The following UVRAG variants were observed in gnomAD, a reference collection of about 807,000 sequenced individuals.
UVRAG encodes the protein UV radiation resistance associated, also known as UV radiation resistance-associated gene protein.
Under a neutral mutation model 78.0 loss-of-function variants are expected in UVRAG, and 19 were observed. The ratio of observed to expected loss-of-function variants is 0.24; its 90% confidence interval spans 0.17 to 0.36. The LOEUF (loss-of-function observed/expected upper bound fraction) is 0.36. UVRAG is among the 10% of genes least tolerant of loss of function. The pLI is 1.00. For synonymous variants in UVRAG, 323 were observed against 324.6 expected (o/e 1.00, Z 0.05); for missense variants, 740 against 853.8 (o/e 0.87, Z 1.66).
chr11:75,859,565 C>T (rs890274359), intron 2 of UVRAG, among the ~76,000 whole-genome samples: 4 of 151,928 alleles, frequency 2.6e-5, no homozygotes, highest in Non-Finnish European at 4.4e-5. Flanking sequence ...ATTTCAGCCT[C>T]GTAACAACCC....
chr11:75,842,422 C>A (rs1945935258), intron 1 of UVRAG, among the ~76,000 whole-genome samples: 1 of 150,746 alleles, frequency 6.6e-6, no homozygotes, highest in South Asian at 2.1e-4. Context: ...TTTCCTTTTA[C>A]TGTGACCTGC....
chr11:75,852,064 G>A (rs1470714722), intron 2 of UVRAG, 64 bp downstream of exon 2: 4 of 1,104,736 alleles, frequency 3.6e-6, no homozygotes. Context: ...TGTAACACAA[G>A]TGATTCTCAG....
At chr11:75,925,582 C>T (rs761832981) in intron 6 of UVRAG, among the ~76,000 whole-genome samples, 1 of 152,122 alleles carries the variant, frequency 6.6e-6, no homozygotes, top group Non-Finnish European at 1.5e-5. Context: ...ATACAGCAAA[C>T]AAAGGGTCTT....
At position 75,869,997 on chromosome 11, in the gene UVRAG, G is replaced by A. The variant is rs185724770; in HGVS notation, c.270+8217G>A. On this transcript the variant is annotated intron_variant, in intron 3 of 14. Coordinates refer to ENST00000356136, the MANE Select transcript of UVRAG (RefSeq NM_003369.4). ...TATTCTACTTTTCAGTGAATGTGGT[G>A]GTACAGGTCCCTGGATGATATTAGT... Among the ~76,000 whole-genome samples the A allele has an allele frequency of 1.1e-4, 17 of 152,222 alleles. No homozygotes were observed. In the East Asian group the frequency reaches 3.3e-3, roughly 29 times the overall value.
chr11:75,959,805 A>G (rs1948875441), intron 6 of UVRAG, among the ~76,000 whole-genome samples: 1 of 152,126 alleles, frequency 6.6e-6, no homozygotes, highest in Non-Finnish European at 1.5e-5. Context: ...ATTTAAAGTG[A>G]GAGACATAGG....
chr11:75,981,962 T>A (rs1949404445), intron 7 of UVRAG, among the ~76,000 whole-genome samples: 1 of 152,214 alleles, frequency 6.6e-6, no homozygotes, highest in Non-Finnish European at 1.5e-5. Context: ...TCTTAATTGC[T>A]ATTGAAGCAT....
intron 6 of UVRAG, among the ~76,000 whole-genome samples, chr11:75,918,364 C>G (rs1240721596): frequency 1.4e-5 from 2 of 147,026 alleles, no homozygotes; most frequent in African/African-American, 5.1e-5. Flanking sequence ...AGCAACAGAG[C>G]GAGACTCCGT....
rs533580194 is a variant in UVRAG at position 75,883,032 on chromosome 11, C to G, written c.432+2992C>G. On this transcript the variant is annotated intron_variant, in intron 4 of 14. Coordinates refer to ENST00000356136, the MANE Select transcript of UVRAG (RefSeq NM_003369.4). ...TGCCTTTAGACTGACCAACCAGATC[C>G]CTGCACTGGGGTATATATCCCATCT... Among the ~76,000 whole-genome samples, 55 of 152,174 alleles carry G rather than the reference C, an allele frequency of 3.6e-4. No individual in the cohort carries two copies. In the South Asian group the frequency reaches 0.011, roughly 32 times the overall value.
intron 12 of UVRAG, among the ~76,000 whole-genome samples, chr11:76,039,200 G>T (rs1950595428): frequency 6.6e-6 from 1 of 152,198 alleles, no homozygotes; most frequent in Non-Finnish European, 1.5e-5. Context: ...AGGGTATCTA[G>T]GTGGATTAAA....
chr11:76,121,205 T>C (rs962212059), intron 14 of UVRAG, among the ~76,000 whole-genome samples: 2 of 152,218 alleles, frequency 1.3e-5, no homozygotes, highest in African/African-American at 2.4e-5. Context: ...ATGATCGACC[T>C]GATTAATCCT....
intron 6 of UVRAG, among the ~76,000 whole-genome samples, chr11:75,931,121 G>A (rs892909549): frequency 6.6e-6 from 1 of 151,200 alleles, no homozygotes; most frequent in Non-Finnish European, 1.5e-5. Flanking sequence ...TTGGGAGTTT[G>A]TTTCTCTCTT....
intron 6 of UVRAG, among the ~76,000 whole-genome samples, chr11:75,943,118 T>C (rs549266075): frequency 3.2e-4 from 49 of 152,176 alleles, no homozygotes; most frequent in Admixed American, 5.2e-4. Flanking sequence ...AATTTCAACA[T>C]GAGTTTGGGA....
intron 2 of UVRAG, among the ~76,000 whole-genome samples, chr11:75,858,618 A>G (rs914487828): frequency 6.6e-6 from 1 of 152,204 alleles, no homozygotes; most frequent in Non-Finnish European, 1.5e-5. Context: ...TGATAGGGTA[A>G]ATTTCATAAA....
At chr11:75,822,749 G>A (rs1945424983) in intron 1 of UVRAG, among the ~76,000 whole-genome samples, 1 of 151,996 alleles carries the variant, frequency 6.6e-6, no homozygotes, top group Admixed American at 6.6e-5. Context: ...CAGTATGGGG[G>A]AAGTGGCCCA....
At chr11:75,953,382 A>G (rs1349048267) in intron 6 of UVRAG, among the ~76,000 whole-genome samples, 1 of 152,204 alleles carries the variant, frequency 6.6e-6, no homozygotes, top group African/African-American at 2.4e-5. Context: ...TGCCTTCAGA[A>G]TAAAAATCTA....
intron 6 of UVRAG, among the ~76,000 whole-genome samples, chr11:75,923,973 T>C (rs1208288729): frequency 6.6e-6 from 1 of 152,238 alleles, no homozygotes; most frequent in Non-Finnish European, 1.5e-5. Flanking sequence ...ACTTTTTTCA[T>C]GTAAACTAAA....
chr11:75,840,521 G>A (rs1320894456), intron 1 of UVRAG, among the ~76,000 whole-genome samples: 9 of 152,256 alleles, frequency 5.9e-5, no homozygotes, highest in East Asian at 1.9e-4. Context: ...GTTCAGAGTC[G>A]CAGTTTGTTT....
chr11:76,067,544 G>A (rs550549146), intron 13 of UVRAG, among the ~76,000 whole-genome samples: 5 of 152,030 alleles, frequency 3.3e-5, no homozygotes, highest in African/African-American at 1.2e-4. Context: ...ATCGCTTGTG[G>A]CCAGGAGTTG....
intron 6 of UVRAG, among the ~76,000 whole-genome samples, chr11:75,960,689 C>T (rs1253328069): frequency 1.3e-5 from 2 of 152,048 alleles, no homozygotes; most frequent in Non-Finnish European, 2.9e-5. Context: ...ATCACTTGAG[C>T]CCGGGAGGTC....
Sources: allele counts gnomAD v4.1 joint callset (sites outside exome capture counted in the v4.1 genomes callset), GRCh38; gene constraint gnomAD v4.1.1; transcripts MANE v1.5; gene names NCBI Gene and HGNC (gene_info 2026-07-23, HGNC 2026-07-21).